The following CEP192 variants were observed in gnomAD, a reference collection of about 807,000 sequenced individuals.
The protein encoded by CEP192 is centrosomal protein of 192 kDa.
A neutral mutation model predicts 271.8 loss-of-function variants in CEP192; 151 were observed. The ratio of observed to expected loss-of-function variants is 0.56; its 90% CI spans 0.49 to 0.64. The LOEUF is 0.64. CEP192 is among the 30% of genes least tolerant of loss of function. The pLI, the probability that CEP192 is intolerant of heterozygous loss-of-function variation, is 0.00. For missense variants in CEP192, 2,910 were observed against 3,020.5 expected, an observed-to-expected ratio of 0.96 and a Z score of 0.86; for synonymous variants, 995 against 1,076.5, an observed-to-expected ratio of 0.92 and a Z score of 1.48.
At chr18:13,089,809 A>G (rs1395107567) in intron 33 of CEP192, among the ~76,000 whole-genome samples, 2 of 152,224 alleles carry the variant, frequency 1.3e-5, no homozygotes, top group Non-Finnish European at 2.9e-5. Context: ...CAGAGTTGTT[A>G]TAAGTATTCG....
intron 36 of CEP192, among the ~76,000 whole-genome samples, chr18:13,096,949 T>C (rs950330238): frequency 6.6e-6 from 1 of 152,230 alleles, no homozygotes; most frequent in African/African-American, 2.4e-5. Flanking sequence ...GGCCAGCACA[T>C]GACTCCCACA....
chr18:13,038,235 CA>C, intron 12 of CEP192, 134 bp from the exon 13 acceptor site: 2 of 681,394 alleles, frequency 2.9e-6, no homozygotes, highest in Non-Finnish European at 4.9e-6. Context: ...TCAGTTTGTC[CA>C]ATTTTTTTTT....
intron 20 of CEP192, 64 bp downstream of exon 20, chr18:13,057,797 C>T (rs2037194231): frequency 1.3e-6 from 2 of 1,517,892 alleles, no homozygotes; most frequent in South Asian, 1.2e-5. Flanking sequence ...CTTGATTTCC[C>T]CCATCTCTAG....
chr18:12,995,402 A>G (rs1448002931), intron 1 of CEP192, among the ~76,000 whole-genome samples: 1 of 152,200 alleles, frequency 6.6e-6, no homozygotes, highest in Admixed American at 6.5e-5. Context: ...GAAATCAAGA[A>G]GAGAGAATAG....
rs567178918 is a variant in CEP192, at chr18:13,018,611, G to T, written c.921G>T (p.Gly307=). 8 of 1,512,354 alleles carry T rather than the reference G, an allele frequency of 5.3e-6. No homozygotes were observed. In the Admixed American group the frequency reaches 1.3e-4, roughly 25 times the overall value. 93.7% of individuals were successfully genotyped at this position (1,512,354 alleles called of 1,614,324 possible). ...AAAGCCAAGTTATTTGTCTACCTGGGACTAGTAAGTATAGAAATATGATTC... is the reference window on the plus strand; with the variant it reads ...AAAGCCAAGTTATTTGTCTACCTGGTACTAGTAAGTATAGAAATATGATTC... ...SEESQVICLP[G]TSNSIGTGDS... Residue 307 remains glycine (G), a synonymous_variant, in exon 8 of 45, where the codon GGG becomes GGT. Transcript: ENST00000506447.
At chr18:13,018,660 G>T in intron 8 of CEP192, 45 bp downstream of exon 8, 2 of 1,337,724 alleles carry the variant, frequency 1.5e-6, no homozygotes, top group South Asian at 1.6e-5. Flanking sequence ...TTCTAGTTTT[G>T]ACTTTACTTT....
chr18:13,037,224 A>G lies in CEP192; in HGVS notation c.1535-13A>G. ...ATTAGTGTAATGTATTTATATAAAC[A>G]TTCTTTTTTAAGCTGAAGCATTTGA... On this transcript the variant is annotated splice_polypyrimidine_tract_variant and intron_variant, in intron 11 of 44. Transcript: ENST00000506447. The G allele has an allele frequency of 8.7e-7, 1 of 1,153,800 alleles. No individual in the cohort carries two copies. The allele number at this position is 1,153,800 out of a possible 1,614,324, so 71.5% of individuals were successfully genotyped here. A position where few individuals can be genotyped will look rare whatever the true frequency, so the allele number is the denominator to read the frequency against.
chr18:13,071,237 G>C, intron 28 of CEP192, 25 bp downstream of exon 28: 2 of 1,589,838 alleles, frequency 1.3e-6, no homozygotes, highest in Non-Finnish European at 1.7e-6. Context: ...CTGACAAATC[G>C]TCCACTATTT....
rs1030138708 is a variant in CEP192 at position 13,099,062 on chromosome 18, C to T, written c.6558-414C>T. On this transcript the variant is annotated intron_variant, in intron 36 of 44. Coordinates refer to ENST00000506447, the MANE Select transcript of CEP192 (RefSeq NM_032142.4). Reference sequence around the variant, plus strand: ...AGGCGTGGCAGCGCGCGCCTGCAATCGCAGGCACTCGGCAGGCTGAGGCAG... The same window carrying T: ...AGGCGTGGCAGCGCGCGCCTGCAATTGCAGGCACTCGGCAGGCTGAGGCAG... Among the ~76,000 whole-genome samples, 3 of 151,904 alleles carry T rather than the reference C, an allele frequency of 2.0e-5. No homozygotes were observed. In the East Asian group the frequency reaches 5.8e-4, roughly 29 times the overall value.
chr18:13,104,004 T>C, intron 39 of CEP192: 1 of 369,362 alleles, frequency 2.7e-6, no homozygotes, highest in South Asian at 2.0e-5. Context: ...TGGTTATTTG[T>C]TCCACCAATT....
intron 30 of CEP192, among the ~76,000 whole-genome samples, chr18:13,079,878 A>G (rs992467025): frequency 1.3e-5 from 2 of 152,152 alleles, no homozygotes; most frequent in Non-Finnish European, 2.9e-5. Context: ...TCCCAGCACC[A>G]TTTATTAAAT....
rs1202143189 is a variant in CEP192 at position 13,069,930 on chromosome 18, G to T, written c.5174+74G>T. ...AATCCCAGCACTTTGGGAGGCCGAGGTGGGTGGATTACCTGAGGTCAGGAG... is the reference window on the plus strand; with the variant it reads ...AATCCCAGCACTTTGGGAGGCCGAGTTGGGTGGATTACCTGAGGTCAGGAG... On this transcript the variant is annotated intron_variant, in intron 27 of 44. Coordinates refer to ENST00000506447, the MANE Select transcript of CEP192 (RefSeq NM_032142.4). The T allele has an allele frequency of 2.9e-5, 25 of 848,608 alleles. No homozygotes were observed. The South Asian group carries it at 3.4e-4, about 12-fold the overall frequency. 52.6% of individuals were successfully genotyped at this position (848,608 alleles called of 1,614,324 possible).
At chr18:13,066,340 A>G (rs1307311460) in intron 21 of CEP192, among the ~76,000 whole-genome samples, 8 of 152,170 alleles carry the variant, frequency 5.3e-5, no homozygotes, top group Admixed American at 5.2e-4. Context: ...ATTTACTTCA[A>G]AGTTTATTTC....
intron 4 of CEP192, among the ~76,000 whole-genome samples, chr18:13,011,175 C>T (rs1288243539): frequency 6.7e-6 from 1 of 149,804 alleles, no homozygotes; most frequent in African/African-American, 2.5e-5. Flanking sequence ...TGCAGTGAGC[C>T]GAGATTGTGC....
At chr18:13,120,201 G>A (rs1189180833) in intron 44 of CEP192, among the ~76,000 whole-genome samples, 1 of 152,186 alleles carries the variant, frequency 6.6e-6, no homozygotes, top group Non-Finnish European at 1.5e-5. Flanking sequence ...TTCTGATATG[G>A]AGTGTAGGGA....
At position 13,018,590 on chromosome 18, in the gene CEP192, C is replaced by A; in HGVS notation, c.900C>A (p.Ser300Arg). The A allele has an allele frequency of 6.5e-7, 1 of 1,536,888 alleles. No homozygotes were observed. Among genetic ancestry groups the A allele is most frequent in the African/African-American group, 1.4e-5 (1 of 72,608 alleles). Residue 300 changes from serine (S) to arginine (R), a missense_variant, in exon 8 of 45, where the codon AGC becomes AGA. Transcript: ENST00000506447. ...SETTHKESEE[S>R]QVICLPGTSN... ...CAACTCACAAAGAGTCTGAGGAAAG[C>A]CAAGTTATTTGTCTACCTGGGACTA...
intron 38 of CEP192, 57 bp downstream of exon 38, chr18:13,100,569 C>CT: frequency 1.5e-6 from 2 of 1,334,456 alleles, no homozygotes; most frequent in East Asian, 4.6e-5. Flanking sequence ...GAGTCTAATG[C>CT]TTTATTCTTA....
intron 15 of CEP192, among the ~76,000 whole-genome samples, 156 bp from the exon 16 acceptor site, chr18:13,048,703 C>T (rs868153948): frequency 6.6e-6 from 1 of 152,174 alleles, no homozygotes; most frequent in Non-Finnish European, 1.5e-5. Context: ...GGAACAGAAA[C>T]ATGCTCTGAT....
intron 33 of CEP192, among the ~76,000 whole-genome samples, chr18:13,091,642 A>G (rs1197076624): frequency 6.6e-6 from 1 of 152,208 alleles, no homozygotes; most frequent in Non-Finnish European, 1.5e-5. Context: ...CTTAAGTTAT[A>G]AATTTAAATT....
Sources: allele counts gnomAD v4.1 joint callset (sites outside exome capture counted in the v4.1 genomes callset), GRCh38; gene constraint gnomAD v4.1.1; transcripts MANE v1.5; gene names NCBI Gene and HGNC (gene_info 2026-07-23, HGNC 2026-07-21).